The following ZNF827 variants were observed in gnomAD, a reference collection of about 807,000 sequenced individuals.
The protein encoded by ZNF827 is zinc finger protein 827.
Under a neutral mutation model 102.4 loss-of-function variants are expected in ZNF827, and 13 were observed. The observed-to-expected ratio is 0.13, with a 90% CI of 0.08 to 0.20. The LOEUF is 0.20. Ranked by LOEUF, ZNF827 falls within the 10% of genes least tolerant of loss-of-function variation. ZNF827 has a pLI of 1.00. For synonymous variants in ZNF827, 523 were observed against 536.2 expected (o/e 0.98, Z 0.34); for missense variants, 1,103 against 1,344.4 (o/e 0.82, Z 2.81).
chr4:145,823,652 G>A, intron 7 of ZNF827, 127 bp from the exon 8 acceptor site: 1 of 644,816 alleles, frequency 1.6e-6, no homozygotes, highest in Non-Finnish European at 2.7e-6. Flanking sequence ...GGTGTTTAGT[G>A]AATATAAGAA....
At chr4:145,832,492 C>T (rs1204652308) in intron 7 of ZNF827, 2 of 151,946 alleles carry the variant, frequency 1.3e-5, no homozygotes, top group African/African-American at 4.9e-5. Flanking sequence ...GAAATATTCT[C>T]TGTCTCCCTC....
chr4:145,763,546 C>T lies in ZNF827; in HGVS notation c.3231-424G>A, dbSNP rs1734836505. On this transcript the variant is annotated intron_variant, in intron 13 of 14. Coordinates refer to ENST00000508784, the MANE Select transcript of ZNF827 (RefSeq NM_001306215.2). The surrounding 1 kb of genome is among the most constrained non-coding windows in gnomAD (Gnocchi z 4.6). ...AGCATCAGAATTCACTGTGCATTCT[C>T]CCCAATGGCTTCAGAGGCTGGGGAC... is the stretch of plus-strand genomic sequence containing the variant. Among the ~76,000 whole-genome samples the T allele has an allele frequency of 6.6e-6, 1 of 152,174 alleles. No homozygotes were observed. The highest frequency in any genetic ancestry group is 2.4e-5 in the African/African-American group (1 of 41,444).
chr4:145,899,221 A>T (rs1751218281), intron 2 of ZNF827, among the ~76,000 whole-genome samples: 1 of 151,924 alleles, frequency 6.6e-6, no homozygotes, highest in Admixed American at 6.6e-5. Flanking sequence ...CCACATTTCC[A>T]TAATGCTTCT....
At chr4:145,900,440 CAG>C (rs1311261751) in intron 2 of ZNF827, among the ~76,000 whole-genome samples, 1 of 151,592 alleles carries the variant, frequency 6.6e-6, no homozygotes, top group Non-Finnish European at 1.5e-5. Context: ...TTTTTTGAGA[CAG>C]AGTCTCATCC....
At chr4:145,835,137 C>G (rs1360321988) in intron 7 of ZNF827, 1 of 152,252 alleles carries the variant, frequency 6.6e-6, no homozygotes, top group African/African-American at 2.4e-5. Context: ...ACCTAGCAGC[C>G]ACTCCCAGAG....
intron 1 of ZNF827, among the ~76,000 whole-genome samples, chr4:145,910,440 C>T (rs894959088): frequency 2.6e-5 from 4 of 152,108 alleles, no homozygotes; most frequent in African/African-American, 9.7e-5. Flanking sequence ...TGCCACCTCC[C>T]TTGACTCTTC....
chr4:145,882,598 CT>C (rs1334776919), intron 4 of ZNF827, among the ~76,000 whole-genome samples: 1 of 152,186 alleles, frequency 6.6e-6, no homozygotes, highest in Non-Finnish European at 1.5e-5. Context: ...ATTCAATCAT[CT>C]TTATGCTTAG....
intron 7 of ZNF827, among the ~76,000 whole-genome samples, chr4:145,823,750 G>A (rs1047515306): frequency 1.3e-5 from 2 of 152,170 alleles, no homozygotes; most frequent in South Asian, 4.1e-4. Context: ...ATATTTGGGG[G>A]GAATAAATGA....
intron 5 of ZNF827, among the ~76,000 whole-genome samples, chr4:145,858,768 T>C (rs956467674): frequency 2.6e-5 from 4 of 152,160 alleles, no homozygotes; most frequent in Non-Finnish European, 5.9e-5. Context: ...GGGTTGGCCA[T>C]TGCTTTATGC....
intron 7 of ZNF827, among the ~76,000 whole-genome samples, chr4:145,826,362 A>G (rs1396964238): frequency 6.6e-6 from 1 of 152,228 alleles, no homozygotes; most frequent in Non-Finnish European, 1.5e-5. Context: ...AAAAACAGCA[A>G]CAAACGCTAA....
chr4:145,824,069 G>C (rs1344769161), intron 7 of ZNF827, among the ~76,000 whole-genome samples: 1 of 152,190 alleles, frequency 6.6e-6, no homozygotes, highest in Non-Finnish European at 1.5e-5. Flanking sequence ...TTCTGATGGA[G>C]TTAAAGTCAG....
chr4:145,884,977 T>C (rs1749987129), intron 4 of ZNF827, among the ~76,000 whole-genome samples: 1 of 152,258 alleles, frequency 6.6e-6, no homozygotes, highest in African/African-American at 2.4e-5. Flanking sequence ...GAGAGTTGTT[T>C]AATGAGTTTC....
chr4:145,809,248 T>C (rs1231297735), intron 8 of ZNF827, among the ~76,000 whole-genome samples: 1 of 152,226 alleles, frequency 6.6e-6, no homozygotes, highest in Non-Finnish European at 1.5e-5. Flanking sequence ...TTGTTCAAAA[T>C]GAAACTAACT....
chr4:145,937,342 AG>A (rs1023792362), intron 1 of ZNF827, among the ~76,000 whole-genome samples: 28 of 151,802 alleles, frequency 1.8e-4, no homozygotes, highest in African/African-American at 6.5e-4. Context: ...GACTCTGCTC[AG>A]GCTCGCCAAG....
rs1457435784 is a variant in ZNF827, at chr4:145,902,049, C to A, written c.1093+117G>T. On this transcript the variant is annotated intron_variant, in intron 2 of 14. Transcript: ENST00000508784. The surrounding 1 kb of genome is among the most constrained non-coding windows in gnomAD (Gnocchi z 4.3). Reference sequence around the variant, plus strand: ...TTAAAGTATTTTTGTTGTGCTCTTGCTTTTTTATTCCTGCCTCAGATCAGA... The same window carrying A: ...TTAAAGTATTTTTGTTGTGCTCTTGATTTTTTATTCCTGCCTCAGATCAGA... 1.5e-6 allele frequency: 2 copies of A among 1,359,926 alleles called. No individual in the cohort carries two copies. The highest frequency in any genetic ancestry group is 2.0e-6 in the Non-Finnish European group (2 of 1,015,386). 84.2% of individuals were successfully genotyped at this position (1,359,926 alleles called of 1,614,324 possible).
chr4:145,880,055 T>C (rs1749533394), intron 4 of ZNF827, among the ~76,000 whole-genome samples: 1 of 152,016 alleles, frequency 6.6e-6, no homozygotes, highest in African/African-American at 2.4e-5. Flanking sequence ...GCCAATACGG[T>C]GAAACCCCAT....
intron 13 of ZNF827, among the ~76,000 whole-genome samples, chr4:145,764,527 C>T (rs1227218542): frequency 6.6e-6 from 1 of 152,120 alleles, no homozygotes; most frequent in Non-Finnish European, 1.5e-5. Context: ...ATGTTGCTTC[C>T]TGCCTGTTCA....
chr4:145,774,124 T>C (rs1187624302), intron 11 of ZNF827, among the ~76,000 whole-genome samples: 4 of 152,040 alleles, frequency 2.6e-5, no homozygotes, highest in African/African-American at 9.7e-5. Context: ...CTGTACAGTG[T>C]GATAATAATA....
chr4:145,759,798 C>T lies in ZNF827; in HGVS notation c.*1818G>A, dbSNP rs1346828401. Reference sequence around the variant, plus strand: ...TTTATACCCAGAATTTATCCAAACCCCTTTTAATCTCCTTGGCTGGATTTA... The same window carrying T: ...TTTATACCCAGAATTTATCCAAACCTCTTTTAATCTCCTTGGCTGGATTTA... On this transcript the variant is annotated 3_prime_UTR_variant, in exon 15 of 15. Transcript: ENST00000508784. The T allele has an allele frequency of 2.0e-5, 3 of 152,040 alleles. No homozygotes were observed. Among genetic ancestry groups the T allele is most frequent in the African/African-American group, 2.4e-5 (1 of 41,362 alleles). The allele number at this position is 152,040 out of a possible 1,614,324, so 9.4% of individuals were successfully genotyped here.
Sources: allele counts gnomAD v4.1 joint callset (sites outside exome capture counted in the v4.1 genomes callset), GRCh38; gene constraint gnomAD v4.1.1; non-coding constraint Gnocchi (gnomAD v3.1); transcripts MANE v1.5; gene names NCBI Gene and HGNC (gene_info 2026-07-23, HGNC 2026-07-21).